Variants in SNED1 observed in about 807,000 individuals in gnomAD.
The protein encoded by SNED1 is sushi, nidogen and EGF like domains 1.
In SNED1, 81 loss-of-function variants were observed where a neutral mutation model predicts 166.7. The observed-to-expected ratio is 0.49, with a 90% CI of 0.41 to 0.58. SNED1 has a LOEUF of 0.58. Ranked by LOEUF, SNED1 falls within the 20% of genes least tolerant of loss-of-function variation. The probability of loss-of-function intolerance (pLI) is 0.00; values close to 1 mark genes in which losing one functional copy is unlikely to be tolerated. For synonymous variants in SNED1, 762 were observed against 822.0 expected, an observed-to-expected ratio of 0.93 and a Z score of 1.25; for missense variants, 1,604 against 2,000.2, an observed-to-expected ratio of 0.80 and a Z score of 3.78.
chr2:241,053,368 ACC>A, intron 16 of SNED1, 42 bp downstream of exon 16: 1 of 1,517,818 alleles, frequency 6.6e-7, no homozygotes, highest in Non-Finnish European at 8.8e-7. Context: ...TGGGGCCCAC[ACC>A]CTCCTCATCC....
chr2:241,017,995 A>G (rs567681576), intron 1 of SNED1, among the ~76,000 whole-genome samples: 1 of 152,192 alleles, frequency 6.6e-6, no homozygotes, highest in Non-Finnish European at 1.5e-5. Context: ...TGAAAGTCTC[A>G]TGTCCCGGGG....
intron 2 of SNED1, among the ~76,000 whole-genome samples, chr2:241,031,762 TA>T (rs1351861676): frequency 3.3e-5 from 5 of 152,238 alleles, no homozygotes; most frequent in African/African-American, 1.2e-4. Flanking sequence ...TTCCGAGTGT[TA>T]GCACTTACGT....
chr2:240,998,399 C>T (rs576191874), upstream of SNED1, among the ~76,000 whole-genome samples: 6 of 152,344 alleles, frequency 3.9e-5, no homozygotes, highest in South Asian at 1.2e-3. Context: ...CAGGCGCCTC[C>T]ACCAGGGTAG....
rs1054873596 is a variant in SNED1, at chr2:240,998,811, G to A, written c.-27G>A. ...TCCCCCAGCGCCCTGCTCCGCCAGC[G>A]CCCCGTCCCGCCCGCACACCTCCGC... On this transcript the variant is annotated 5_prime_UTR_variant, in exon 1 of 32. Coordinates refer to ENST00000310397, the MANE Select transcript of SNED1 (RefSeq NM_001080437.3). The A allele has an allele frequency of 8.7e-6, 10 of 1,143,494 alleles. No individual in the cohort carries two copies. In the East Asian group the frequency reaches 3.1e-4, roughly 36 times the overall value. The allele number at this position is 1,143,494 out of a possible 1,614,324, so 70.8% of individuals were successfully genotyped here.
At position 241,088,392 on chromosome 2, in the gene SNED1, G is replaced by A. The variant is rs1350295908; in HGVS notation, c.4233G>A (p.Glu1411=). Residue 1411 remains glutamate (E), a synonymous_variant, in exon 31 of 32, where the codon GAG becomes GAA. Transcript: ENST00000310397. ...NRKQSKSQTL[E]KS The stretch of plus-strand genomic sequence containing the variant: ...AACAAAGTAAGAGTCAGACACTGGA[G>A]AAATCTTAAGGTACGTCCCTGCTGC... The A allele has an allele frequency of 3.7e-6, 6 of 1,612,350 alleles. No homozygotes were observed. The highest frequency in any genetic ancestry group is 2.2e-5 in the South Asian group (2 of 91,032).
chr2:241,001,354 T>G (rs1170923926), intron 1 of SNED1, among the ~76,000 whole-genome samples: 1 of 152,256 alleles, frequency 6.6e-6, no homozygotes, highest in African/African-American at 2.4e-5. Flanking sequence ...AAATAGCACA[T>G]GGATTACTGC....
At position 241,089,856 on chromosome 2, in the gene SNED1, G is replaced by A. The variant is rs538422593; in HGVS notation, c.*1+1454G>A. 92 of 1,440,910 alleles carry A rather than the reference G, an allele frequency of 6.4e-5. No homozygotes were observed. In the South Asian group the frequency reaches 7.0e-4, roughly 11 times the overall value. 89.3% of individuals were successfully genotyped at this position (1,440,910 alleles called of 1,614,324 possible). A position where few individuals can be genotyped will look rare whatever the true frequency, so the allele number is the denominator to read the frequency against. On this transcript the variant is annotated intron_variant, in intron 31 of 31. Coordinates refer to ENST00000310397, the MANE Select transcript of SNED1 (RefSeq NM_001080437.3). The stretch of plus-strand genomic sequence containing the variant: ...GCTGTGTGGCAGAGCCCATGCTCCC[G>A]GGCTACACACCACAGCGTGTTACTG...
At chr2:241,056,261 G>A (rs142652399) in intron 16 of SNED1, among the ~76,000 whole-genome samples, 5 of 152,162 alleles carry the variant, frequency 3.3e-5, no homozygotes, top group East Asian at 3.9e-4. Context: ...AAATATATCC[G>A]AAATGAATAA....
rs987099857 is a variant in SNED1 at position 241,088,468 on chromosome 2, C to T, written c.*1+66C>T. On this transcript the variant is annotated intron_variant, in intron 31 of 31. Transcript: ENST00000310397. ...TGGGAAGTGGGGGGCGACTGCCCAG[C>T]CCCGGGATCTCAGAGTGCCGCTGCC... The T allele has an allele frequency of 2.3e-5, 30 of 1,327,974 alleles. No individual in the cohort carries two copies. The Admixed American group carries it at 4.7e-4, about 21-fold the overall frequency. The allele number at this position is 1,327,974 out of a possible 1,614,324, so 82.3% of individuals were successfully genotyped here. A position where few individuals can be genotyped will look rare whatever the true frequency, so the allele number is the denominator to read the frequency against.
chr2:241,021,225 G>A (rs1400352205), intron 1 of SNED1, among the ~76,000 whole-genome samples: 1 of 152,114 alleles, frequency 6.6e-6, no homozygotes, highest in Non-Finnish European at 1.5e-5. Context: ...CCCCACCACT[G>A]CGCTTCCCAC....
intron 31 of SNED1, chr2:241,089,287 A>C: frequency 6.5e-7 from 1 of 1,548,568 alleles, no homozygotes; most frequent in Non-Finnish European, 8.7e-7. Context: ...CTCACAGTTC[A>C]TCTTCCTGGT....
rs752905522 is a variant in SNED1, at chr2:241,081,735, C to T, written c.3975C>T (p.Gly1325=). ...AGAACGGAGGCACTTGTGTGCCGGG[C>T]GCAGACGCCCACAGCTGTGACTGCG... is the stretch of plus-strand genomic sequence containing the variant. The part of the protein sequence containing the change: ...PCQNGGTCVP[G]ADAHSCDCGP... Residue 1325 remains glycine (G), a synonymous_variant, in exon 28 of 32, where the codon GGC becomes GGT. Transcript: ENST00000310397. 19 of 1,609,226 alleles carry T rather than the reference C, an allele frequency of 1.2e-5. No individual in the cohort carries two copies. The highest frequency in any genetic ancestry group is 2.2e-5 in the South Asian group (2 of 89,922).
intron 6 of SNED1, among the ~76,000 whole-genome samples, chr2:241,039,089 T>A (rs1218995814): frequency 6.6e-6 from 1 of 152,148 alleles, no homozygotes; most frequent in Non-Finnish European, 1.5e-5. Context: ...AAGCCTTGGG[T>A]ACAAGCCTTC....
At chr2:241,027,074 G>T (rs2060990997) in intron 1 of SNED1, among the ~76,000 whole-genome samples, 1 of 146,564 alleles carries the variant, frequency 6.8e-6, no homozygotes. Context: ...ACCTATGACA[G>T]ATTTCCCTAC....
chr2:241,027,733 G>T (rs6760093), intron 1 of SNED1, among the ~76,000 whole-genome samples: 84,981 of 135,622 alleles, frequency 0.63, 25,977 homozygotes, highest in African/African-American at 0.79. Flanking sequence ...ATTTTCTTCT[G>T]TTTTTTTTTT....
chr2:241,049,235 C>T, intron 11 of SNED1, 100 bp downstream of exon 11: 3 of 862,460 alleles, frequency 3.5e-6, no homozygotes, highest in South Asian at 3.1e-5. Context: ...CCCTACTTCC[C>T]TTCTGACTCT....
chr2:241,050,585 T>A (rs1003775315), intron 12 of SNED1, among the ~76,000 whole-genome samples: 1 of 152,232 alleles, frequency 6.6e-6, no homozygotes, highest in Non-Finnish European at 1.5e-5. Context: ...TCCTTGTCCC[T>A]GAGGGAAAGA....
intron 1 of SNED1, among the ~76,000 whole-genome samples, chr2:241,004,690 CAT>C (rs576021824): frequency 3.5e-4 from 53 of 152,194 alleles, no homozygotes; most frequent in African/African-American, 1.3e-3. Flanking sequence ...TTACTTTACA[CAT>C]GTTATAAACC....
rs766271962 is a variant in SNED1 at position 241,049,797 on chromosome 2, CCT to C, written c.1619-17_1619-16del. 1.9e-6 allele frequency: 3 copies of C among 1,594,806 alleles called. No individual in the cohort carries two copies. On this transcript the variant is annotated intron_variant, in intron 11 of 31. Coordinates refer to ENST00000310397, the MANE Select transcript of SNED1 (RefSeq NM_001080437.3). Reference sequence around the variant, plus strand: ...GATGCGGCGTAAGCTCCAGGACCACCCTCTGTCCCCCGCCCCCAGCCCTGCCA... The same window carrying C: ...GATGCGGCGTAAGCTCCAGGACCACCCTGTCCCCCGCCCCCAGCCCTGCCA...
Sources: gnomAD v4.1 joint callset for allele counts (sites outside exome capture counted in the v4.1 genomes callset) on GRCh38, gnomAD v4.1.1 for gene constraint, MANE v1.5 for transcripts, NCBI Gene and HGNC (gene_info 2026-07-23, HGNC 2026-07-21) for gene names.